ABCA5: variants seen among roughly 807,000 people sequenced by gnomAD.
The protein encoded by ABCA5 is cholesterol transporter ABCA5.
A neutral mutation model predicts 206.0 loss-of-function variants in ABCA5; 163 were observed. That is an observed-to-expected ratio of 0.79 (90% CI 0.70 to 0.90). The LOEUF is 0.90. ABCA5 is among the 40% of genes least tolerant of loss of function. The pLI, the probability that ABCA5 is intolerant of heterozygous loss-of-function variation, is 0.00. For synonymous variants in ABCA5, 609 were observed against 613.8 expected, an observed-to-expected ratio of 0.99 and a Z score of 0.11; for missense variants, 1,859 against 1,912.9, an observed-to-expected ratio of 0.97 and a Z score of 0.53.
intron 23 of ABCA5, among the ~76,000 whole-genome samples, chr17:69,267,467 C>T (rs1482036067): frequency 6.6e-6 from 1 of 152,098 alleles, no homozygotes; most frequent in Non-Finnish European, 1.5e-5. Flanking sequence ...TTCTCCAAGG[C>T]CCTAATGATG....
rs767676326 is a variant in ABCA5, at chr17:69,297,229, C to T, written c.1398G>A (p.Glu466=). The change falls in exon 10 of 39, where the codon GAG becomes GAA. Residue 466 remains glutamate, a synonymous_variant. Transcript: ENST00000392676. ...TTCCTACAAATTCTGAAGAAACTGG[C>T]TCAATAATTTCACTAAAACTAATAT... is the stretch of plus-strand genomic sequence containing the variant. The part of the protein sequence containing the change: ...NGNISFSEII[E]PVSSEFVGKE... 2.5e-6 allele frequency: 4 copies of T among 1,611,562 alleles called. No individual in the cohort carries two copies. The African/African-American group carries it at 5.4e-5, about 22-fold the overall frequency.
At position 69,289,875 on chromosome 17, in the gene ABCA5, T is replaced by C. The variant is rs976716524; in HGVS notation, c.1769A>G (p.Asn590Ser). 6.2e-6 allele frequency: 10 copies of C among 1,606,344 alleles called. No individual in the cohort carries two copies. Among genetic ancestry groups the C allele is most frequent in the African/African-American group, 5.4e-5 (4 of 74,612 alleles). Residue 590 changes from asparagine to serine, a missense_variant, in exon 13 of 39, where the codon AAT (asparagine) becomes AGT (serine). Transcript: ENST00000392676. ...TGAATAGCATACTTCTTGTATTATA[T>C]TGTTGGCTGGTATCCCTTTGATTGA... ...LASIKGIPAN[N>S]IIQEVQKVLL...
intron 37 of ABCA5, 117 bp downstream of exon 37, chr17:69,249,788 G>T: frequency 7.7e-7 from 1 of 1,304,884 alleles, no homozygotes; most frequent in Non-Finnish European, 1.0e-6. Context: ...TAATTTGAGA[G>T]CTACAACATA....
chr17:69,286,747 A>G lies in ABCA5; in HGVS notation c.2042-436T>C, dbSNP rs539373257. 3.9e-5 allele frequency among the ~76,000 whole-genome samples: 6 copies of G among 152,336 alleles called. No homozygotes were observed. In the East Asian group the frequency reaches 9.6e-4, roughly 24 times the overall value. ...TTGGGTTTTTAAAAATAAAGGTACT[A>G]CTGAAGACATGAATGACTTGCCCAA... is the stretch of plus-strand genomic sequence containing the variant. On this transcript the variant is annotated intron_variant, in intron 15 of 38. Coordinates refer to ENST00000392676, the MANE Select transcript of ABCA5 (RefSeq NM_172232.4).
chr17:69,279,996 C>A (rs1282800859), intron 18 of ABCA5, among the ~76,000 whole-genome samples: 1 of 152,130 alleles, frequency 6.6e-6, no homozygotes, highest in Non-Finnish European at 1.5e-5. Flanking sequence ...GTCTAAAACA[C>A]CAAAAGCAAT....
chr17:69,295,588 T>C (rs1174812906), intron 10 of ABCA5, among the ~76,000 whole-genome samples: 1 of 152,210 alleles, frequency 6.6e-6, no homozygotes, highest in Non-Finnish European at 1.5e-5. Context: ...TATGCAGCTA[T>C]GATTTAATAC....
chr17:69,272,383 T>C (rs550815637), intron 20 of ABCA5, among the ~76,000 whole-genome samples: 1 of 152,210 alleles, frequency 6.6e-6, no homozygotes, highest in East Asian at 1.9e-4. Flanking sequence ...TAGGAAAATA[T>C]GGCATGCATA....
chr17:69,309,264 C>A lies in ABCA5; in HGVS notation c.467G>T (p.Arg156Ile). 6.4e-7 allele frequency: 1 copy of A among 1,563,962 alleles called. No homozygotes were observed. The change falls in exon 4 of 39, where the codon AGA becomes ATA. Residue 156 changes from arginine (R) to isoleucine (I), a missense_variant and splice_region_variant. Physicochemically the swap from Arg to Ile is moderately conservative, Grantham distance 97 (BLOSUM62 -3). Transcript: ENST00000392676. ...AATGATTATGTAGGGCTATTTACCT[C>A]TTGAATCCATATAAATAGAAGATAC... ...IPVSSIYMDSRAGCSKSCEAA... is the reference protein window; with the variant it reads ...IPVSSIYMDSIAGCSKSCEAA...
At chr17:69,315,140 A>G (rs2075803764) in intron 1 of ABCA5, 1 of 152,156 alleles carries the variant, frequency 6.6e-6, no homozygotes, top group Admixed American at 6.5e-5. Context: ...TCAGGAAAGC[A>G]CTCTAAAAAG....
In ABCA5 at chr17:69,294,562, G is replaced by A. The variant is rs2075565699; in HGVS notation, c.1495+93C>T. The A allele has an allele frequency of 3.7e-6, 4 of 1,067,788 alleles. No homozygotes were observed. The Middle Eastern group carries it at 8.3e-4, about 222-fold the overall frequency. 66.1% of individuals were successfully genotyped at this position (1,067,788 alleles called of 1,614,324 possible). A position where few individuals can be genotyped will look rare whatever the true frequency, so the allele number is the denominator to read the frequency against. ...AAATAAAAGCAAGACAGAAAATCAT[G>A]GTAGAGAAGTTTAAATTTCCCACAA... On this transcript the variant is annotated intron_variant, in intron 11 of 38. Coordinates refer to ENST00000392676, the MANE Select transcript of ABCA5 (RefSeq NM_172232.4).
At chr17:69,286,414 TATC>T (rs1367115556) in intron 15 of ABCA5, 103 bp from the exon 16 acceptor site, 8 of 994,600 alleles carry the variant, frequency 8.0e-6, no homozygotes, top group African/African-American at 1.7e-5. Flanking sequence ...CACATTATGA[TATC>T]ATTAATCATC....
At chr17:69,310,285 A>C (rs1005075402) in intron 3 of ABCA5, among the ~76,000 whole-genome samples, 1 of 152,026 alleles carries the variant, frequency 6.6e-6, no homozygotes, top group Non-Finnish European at 1.5e-5. Flanking sequence ...ATAGTCACTC[A>C]TCACCATGCC....
At chr17:69,318,184 T>G (rs1004460146) in intron 1 of ABCA5, among the ~76,000 whole-genome samples, 1 of 151,700 alleles carries the variant, frequency 6.6e-6, no homozygotes, top group African/African-American at 2.4e-5. Flanking sequence ...CAGTCTCGGC[T>G]CCTGGGTTCA....
intron 24 of ABCA5, 67 bp downstream of exon 24, chr17:69,264,668 T>C (rs920933089): frequency 4.3e-6 from 5 of 1,152,908 alleles, no homozygotes; most frequent in African/African-American, 1.6e-5. Flanking sequence ...TCAACTGTCA[T>C]GTTTATAACA....
At chr17:69,302,437 A>G (rs1346770194) in intron 8 of ABCA5, among the ~76,000 whole-genome samples, 11 of 152,214 alleles carry the variant, frequency 7.2e-5, no homozygotes, top group Non-Finnish European at 1.6e-4. Context: ...ACATTTAAAC[A>G]CATTACTATC....
chr17:69,307,774 C>A (rs1419667423), intron 5 of ABCA5, among the ~76,000 whole-genome samples: 1 of 152,098 alleles, frequency 6.6e-6, no homozygotes, highest in Non-Finnish European at 1.5e-5. Context: ...ACAACAGAGA[C>A]AAGACTCCTG....
intron 20 of ABCA5, 75 bp from the exon 21 acceptor site, chr17:69,271,364 T>G: frequency 7.1e-7 from 1 of 1,409,382 alleles, no homozygotes; most frequent in Non-Finnish European, 9.6e-7. Flanking sequence ...AAGATAATTC[T>G]ATTTTTAGAG....
In ABCA5 at chr17:69,282,499, A is replaced by G. The variant is rs569808361; in HGVS notation, c.2392+1454T>C. On this transcript the variant is annotated intron_variant, in intron 18 of 38. Coordinates refer to ENST00000392676, the MANE Select transcript of ABCA5 (RefSeq NM_172232.4). ...CAAAATTCATGCCTCGGCCGGGCGC[A>G]GTGGCTTACACCTGTAATCCTAGCA... Among the ~76,000 whole-genome samples, 3 of 152,298 alleles carry G rather than the reference A, an allele frequency of 2.0e-5. No homozygotes were observed. The South Asian group carries it at 6.2e-4, about 32-fold the overall frequency.
chr17:69,253,280 G>T (rs563629777), intron 34 of ABCA5, among the ~76,000 whole-genome samples: 1 of 152,160 alleles, frequency 6.6e-6, no homozygotes, highest in South Asian at 2.1e-4. Context: ...TATGCTAAAT[G>T]ACTAGAAAAA....
Sources: allele counts gnomAD v4.1 joint callset (sites outside exome capture counted in the v4.1 genomes callset), GRCh38; gene constraint gnomAD v4.1.1; transcripts MANE v1.5; gene names NCBI Gene and HGNC (gene_info 2026-07-23, HGNC 2026-07-21).